The following MTUS2 variants were observed in gnomAD, a reference collection of about 807,000 sequenced individuals.
MTUS2 encodes microtubule associated scaffold protein 2.
A neutral mutation model predicts 114.1 loss-of-function variants in MTUS2; 40 were observed. That is an observed-to-expected ratio of 0.35 (90% CI 0.27 to 0.46). MTUS2 has a LOEUF of 0.46. Among genes scored for constraint, MTUS2 ranks in the 20% least tolerant of loss-of-function variants. The probability of loss-of-function intolerance (pLI) is 1.00; values close to 1 mark genes in which losing one functional copy is unlikely to be tolerated. For missense variants in MTUS2, 1,679 were observed against 1,705.4 expected, an observed-to-expected ratio of 0.98 and a Z score of 0.27; for synonymous variants, 688 against 672.0, an observed-to-expected ratio of 1.02 and a Z score of -0.37.
At chr13:29,220,654 T>G (rs1378815805) in intron 5 of MTUS2, among the ~76,000 whole-genome samples, 1 of 152,212 alleles carries the variant, frequency 6.6e-6, no homozygotes, top group African/African-American at 2.4e-5. Context: ...GATATGGTTT[T>G]TGTGTTGCCT....
intron 8 of MTUS2, among the ~76,000 whole-genome samples, chr13:29,427,185 T>C (rs1382022312): frequency 1.3e-5 from 2 of 152,210 alleles, no homozygotes; most frequent in East Asian, 1.9e-4. Context: ...GGGTAAAAAG[T>C]GGACATTCAC....
At chr13:29,144,719 C>T (rs1386266327) in intron 5 of MTUS2, among the ~76,000 whole-genome samples, 3 of 152,186 alleles carry the variant, frequency 2.0e-5, no homozygotes, top group Non-Finnish European at 4.4e-5. Flanking sequence ...ATGAATCTCT[C>T]ACTCCAGTCT....
At chr13:29,497,722 G>A (rs1882643633) in intron 13 of MTUS2, 1 of 203,034 alleles carries the variant, frequency 4.9e-6, no homozygotes. Context: ...CAGTTGAGGG[G>A]AATTTTTTCC....
chr13:28,953,814 T>C lies in MTUS2; in HGVS notation c.-242-70643T>C, dbSNP rs563506515. The stretch of plus-strand genomic sequence containing the variant: ...TAGTAAAATTACTTTGTGTAATTTT[T>C]ACATATGGGGCAAGTAAGAGGACCA... On this transcript the variant is annotated intron_variant, in intron 2 of 15. Transcript: ENST00000612955. 1.2e-4 allele frequency among the ~76,000 whole-genome samples: 19 copies of C among 152,318 alleles called. No individual in the cohort carries two copies. The East Asian group carries it at 2.5e-3, about 20-fold the overall frequency.
At chr13:29,091,554 T>C (rs1889951218) in intron 4 of MTUS2, among the ~76,000 whole-genome samples, 1 of 152,216 alleles carries the variant, frequency 6.6e-6, no homozygotes. Flanking sequence ...AGTAGGCTTA[T>C]ATCTTCACAT....
chr13:29,314,857 T>G (rs1899920897), intron 6 of MTUS2, among the ~76,000 whole-genome samples: 1 of 152,204 alleles, frequency 6.6e-6, no homozygotes, highest in Non-Finnish European at 1.5e-5. Context: ...CAGAACATTG[T>G]AGAGGTATCT....
At chr13:28,879,078 AATG>A (rs1878130727) in intron 2 of MTUS2, among the ~76,000 whole-genome samples, 1 of 152,168 alleles carries the variant, frequency 6.6e-6, no homozygotes, top group Non-Finnish European at 1.5e-5. Flanking sequence ...TCTGGTGATC[AATG>A]ATGTTGAGCT....
At chr13:29,439,618 G>A (rs1174137680) in intron 8 of MTUS2, among the ~76,000 whole-genome samples, 2 of 152,116 alleles carry the variant, frequency 1.3e-5, no homozygotes, top group African/African-American at 2.4e-5. Flanking sequence ...TTTTTTAATG[G>A]TCGGAAATCT....
At chr13:29,115,824 A>G (rs1010872382) in intron 5 of MTUS2, among the ~76,000 whole-genome samples, 4 of 152,200 alleles carry the variant, frequency 2.6e-5, no homozygotes, top group African/African-American at 9.6e-5. Flanking sequence ...TTCATCAGTA[A>G]AAGGAAGCAT....
chr13:29,195,726 C>A (rs1410178729), intron 5 of MTUS2, among the ~76,000 whole-genome samples: 1 of 152,022 alleles, frequency 6.6e-6, no homozygotes, highest in African/African-American at 2.4e-5. Flanking sequence ...AAGCTGAGGC[C>A]AGGGTTGTTG....
chr13:28,997,178 G>T (rs1309591019), intron 2 of MTUS2, among the ~76,000 whole-genome samples: 1 of 152,184 alleles, frequency 6.6e-6, no homozygotes, highest in East Asian at 1.9e-4. Flanking sequence ...GGAGCAGGTT[G>T]TTCAGTTTCC....
intron 1 of MTUS2, among the ~76,000 whole-genome samples, chr13:28,829,903 C>T (rs1374612210): frequency 1.3e-5 from 2 of 152,090 alleles, no homozygotes; most frequent in Non-Finnish European, 2.9e-5. Context: ...CTTAATAAGG[C>T]CTTAATCTGT....
chr13:29,428,909 C>A (rs201491909), intron 8 of MTUS2: 3 of 1,612,866 alleles, frequency 1.9e-6, no homozygotes, highest in African/African-American at 1.3e-5. Context: ...ACTTTGCCTT[C>A]CCTCTCTCTT....
chr13:29,413,009 G>A (rs1434591626), intron 8 of MTUS2, among the ~76,000 whole-genome samples: 1 of 152,076 alleles, frequency 6.6e-6, no homozygotes, highest in Non-Finnish European at 1.5e-5. Context: ...ACATGTCTCT[G>A]ACACTGATTC....
intron 7 of MTUS2, among the ~76,000 whole-genome samples, chr13:29,329,321 C>A (rs1167354914): frequency 1.3e-5 from 2 of 151,492 alleles, no homozygotes; most frequent in African/African-American, 4.9e-5. Context: ...GTGATGTTCC[C>A]CTCCCTGTGC....
chr13:29,477,657 T>C (rs1404026754), intron 9 of MTUS2, among the ~76,000 whole-genome samples: 2 of 152,180 alleles, frequency 1.3e-5, no homozygotes. Context: ...CTAATAATTA[T>C]TAGCAGACAA....
At chr13:28,853,726 T>G (rs1338468940) in intron 2 of MTUS2, among the ~76,000 whole-genome samples, 1 of 152,140 alleles carries the variant, frequency 6.6e-6, no homozygotes, top group East Asian at 1.9e-4. Context: ...AAAGTGCAAA[T>G]GAGCATCAAA....
chr13:29,275,528 C>A (rs924946539), intron 5 of MTUS2, among the ~76,000 whole-genome samples: 1 of 152,182 alleles, frequency 6.6e-6, no homozygotes, highest in African/African-American at 2.4e-5. Flanking sequence ...CACCACTACC[C>A]TTCCAGCTTC....
At chr13:29,212,935 T>C (rs1295474728) in intron 5 of MTUS2, among the ~76,000 whole-genome samples, 1 of 152,116 alleles carries the variant, frequency 6.6e-6, no homozygotes, top group Non-Finnish European at 1.5e-5. Context: ...AGTTCCAAGC[T>C]TCTAATCATG....
Sources: allele counts gnomAD v4.1 joint callset (sites outside exome capture counted in the v4.1 genomes callset), GRCh38; gene constraint gnomAD v4.1.1; transcripts MANE v1.5; gene names NCBI Gene and HGNC (gene_info 2026-07-23, HGNC 2026-07-21).